The following CCDC141 variants were observed in gnomAD, a reference collection of about 807,000 sequenced individuals.
CCDC141 encodes coiled-coil domain-containing protein 141.
Under a neutral mutation model 181.0 loss-of-function variants are expected in CCDC141, and 168 were observed. The observed-to-expected ratio is 0.93, with a 90% confidence interval of 0.82 to 1.05. The LOEUF (loss-of-function observed/expected upper bound fraction) is 1.05. Among genes scored for constraint, CCDC141 ranks in the 50% least tolerant of loss-of-function variants. The pLI, the probability that CCDC141 is intolerant of heterozygous loss-of-function variation, is 0.00. For synonymous variants in CCDC141, 666 were observed against 642.3 expected, an observed-to-expected ratio of 1.04 and a Z score of -0.56; for missense variants, 1,902 against 1,788.5, an observed-to-expected ratio of 1.06 and a Z score of -1.14.
intron 8 of CCDC141, among the ~76,000 whole-genome samples, chr2:178,891,053 T>C (rs1687125360): frequency 6.6e-6 from 1 of 152,118 alleles, no homozygotes; most frequent in Non-Finnish European, 1.5e-5. Flanking sequence ...CAGCAAAGAC[T>C]TGATTTAATT....
chr2:178,830,669 G>T lies in CCDC141; in HGVS notation c.*3504C>A, dbSNP rs146450376. ...AGAGGAGACTGATGCTCAAACCTGC[G>T]ATTCCTTTGTGTATATTCAGGGGCG... On this transcript the variant is annotated 3_prime_UTR_variant, in exon 24 of 24. Transcript: ENST00000443758. 1 of 152,244 alleles carries T rather than the reference G, an allele frequency of 6.6e-6. No homozygotes were observed. The highest frequency in any genetic ancestry group is 2.4e-5 in the African/African-American group (1 of 41,436). The allele number at this position is 152,244 out of a possible 1,614,324, so 9.4% of individuals were successfully genotyped here. A position where few individuals can be genotyped will look rare whatever the true frequency, so the allele number is the denominator to read the frequency against.
chr2:178,948,169 C>A (rs1041159319), intron 5 of CCDC141, among the ~76,000 whole-genome samples: 2 of 151,698 alleles, frequency 1.3e-5, no homozygotes, highest in African/African-American at 4.8e-5. Flanking sequence ...CCACTGCACT[C>A]CAGCTTGGGC....
At chr2:178,817,718 CAT>C in the CCDC141 span, 16,649 of 337,212 alleles carry the variant, frequency 0.049, 977 homozygotes, top group Admixed American at 0.14. Context: ...CTAAGATACA[CAT>C]GTGTAATATT....
intron 22 of CCDC141, 92 bp from the exon 23 acceptor site, chr2:178,837,836 C>G (rs765779512): frequency 1.4e-6 from 2 of 1,380,542 alleles, no homozygotes; most frequent in Non-Finnish European, 1.9e-6. Flanking sequence ...AGAGATAACT[C>G]GAGACAACCT....
intron 12 of CCDC141, chr2:178,874,205 C>T (rs1012660170): frequency 4.6e-5 from 7 of 152,312 alleles, no homozygotes; most frequent in African/African-American, 1.7e-4. Flanking sequence ...GTTTTACTTA[C>T]TTTACCAACA....
At chr2:178,996,461 A>C (rs1166076254) in intron 2 of CCDC141, among the ~76,000 whole-genome samples, 2 of 152,172 alleles carry the variant, frequency 1.3e-5, no homozygotes, top group Non-Finnish European at 2.9e-5. Flanking sequence ...AACCAGGTAA[A>C]CATGTAACTT....
chr2:178,815,623 C>A, the CCDC141 span, among the ~76,000 whole-genome samples: 1 of 152,116 alleles, frequency 6.6e-6, no homozygotes. Context: ...CAGCGGATAT[C>A]AAAATATGTG....
chr2:178,932,374 C>T (rs1444767985), intron 6 of CCDC141, among the ~76,000 whole-genome samples: 1 of 152,156 alleles, frequency 6.6e-6, no homozygotes, highest in Non-Finnish European at 1.5e-5. Context: ...AATTCCCTTG[C>T]CTGAGGGCTG....
rs148731247 is a variant in CCDC141 at position 178,946,283 on chromosome 2, A to C, written c.781-1632T>G. Among the ~76,000 whole-genome samples, 13 of 152,278 alleles carry C rather than the reference A, an allele frequency of 8.5e-5. No homozygotes were observed. The East Asian group carries it at 2.5e-3, about 29-fold the overall frequency. On this transcript the variant is annotated intron_variant, in intron 5 of 23. Coordinates refer to ENST00000443758, the MANE Select transcript of CCDC141 (RefSeq NM_173648.4). ...CAATTAGAGCTAGATGATATGTACA[A>C]TGTGCCTATGAAAACACAGAGAATA... is the stretch of plus-strand genomic sequence containing the variant.
chr2:178,983,658 C>G (rs1032699420), intron 2 of CCDC141, among the ~76,000 whole-genome samples: 74 of 150,046 alleles, frequency 4.9e-4, no homozygotes, highest in African/African-American at 1.6e-3. Context: ...TCGAGAACTA[C>G]GTGAAGAATG....
intron 2 of CCDC141, among the ~76,000 whole-genome samples, chr2:179,009,249 C>T (rs1245892300): frequency 6.6e-6 from 1 of 152,140 alleles, no homozygotes; most frequent in African/African-American, 2.4e-5. Flanking sequence ...GCTGTTACAA[C>T]TTTATTGGGC....
intron 2 of CCDC141, among the ~76,000 whole-genome samples, chr2:179,009,727 T>G (rs997982005): frequency 5.3e-5 from 8 of 152,000 alleles, no homozygotes; most frequent in Non-Finnish European, 1.0e-4. Context: ...GGTGGTTTAA[T>G]GCTCTATTTT....
chr2:178,957,093 G>C (rs1176657813), intron 5 of CCDC141, among the ~76,000 whole-genome samples: 1 of 152,028 alleles, frequency 6.6e-6, no homozygotes, highest in Non-Finnish European at 1.5e-5. Context: ...GGCTGATCTC[G>C]AACTCCTGAT....
At chr2:178,959,552 G>T (rs1440019397) in intron 5 of CCDC141, among the ~76,000 whole-genome samples, 2 of 152,126 alleles carry the variant, frequency 1.3e-5, no homozygotes. Flanking sequence ...TTCTTGTTAT[G>T]CCAGAGTCTT....
Position 178,856,163 on chromosome 2 carries a change from A to T in CCDC141, c.2865+94T>A, listed in dbSNP as rs916177299. 12 of 1,140,320 alleles carry T rather than the reference A, an allele frequency of 1.1e-5. No homozygotes were observed. In the African/African-American group the frequency reaches 1.4e-4, roughly 13 times the overall value. The allele number at this position is 1,140,320 out of a possible 1,614,324, so 70.6% of individuals were successfully genotyped here. On this transcript the variant is annotated intron_variant, in intron 18 of 23. Coordinates refer to ENST00000443758, the MANE Select transcript of CCDC141 (RefSeq NM_173648.4). Reference sequence around the variant, plus strand: ...CCCAATGCTACAAAAAGCCAGAGTTAGGTATCTAGATTTGAAATTCAAAAC... The same window carrying T: ...CCCAATGCTACAAAAAGCCAGAGTTTGGTATCTAGATTTGAAATTCAAAAC...
At chr2:178,827,512 G>A (rs142337553), downstream of CCDC141, among the ~76,000 whole-genome samples, 3,419 of 151,660 alleles carry the variant, frequency 0.023, 62 homozygotes, top group Non-Finnish European at 0.032. Flanking sequence ...CCCCTCCCTC[G>A]ACCCCTGTTG....
intron 2 of CCDC141, among the ~76,000 whole-genome samples, chr2:179,015,842 CATATATCTCAT>C (rs1358748385): frequency 5.7e-4 from 66 of 116,322 alleles, no homozygotes; most frequent in African/African-American, 1.5e-3. Context: ...ATATATATCT[CATATATCTCAT>C]ATATATCTCA....
chr2:178,915,614 A>T (rs902717280), intron 7 of CCDC141: 4 of 152,180 alleles, frequency 2.6e-5, no homozygotes, highest in Admixed American at 2.0e-4. Context: ...TAAAGTGCTG[A>T]CTTCACCTTT....
At chr2:178,969,148 T>G (rs1258018124) in intron 4 of CCDC141, among the ~76,000 whole-genome samples, 3 of 141,044 alleles carry the variant, frequency 2.1e-5, no homozygotes, top group African/African-American at 8.0e-5. Context: ...ACCAGACGGA[T>G]TCACAGCTGA....
Sources: allele counts gnomAD v4.1 joint callset (sites outside exome capture counted in the v4.1 genomes callset), GRCh38; gene constraint gnomAD v4.1.1; transcripts MANE v1.5; gene names NCBI Gene and HGNC (gene_info 2026-07-23, HGNC 2026-07-21).